Variants in PRKG1 observed in about 807,000 individuals in gnomAD.
PRKG1 encodes protein kinase cGMP-dependent 1.
In PRKG1, 35 loss-of-function variants were observed where a neutral mutation model predicts 88.1. That is an observed-to-expected ratio of 0.40 (90% confidence interval 0.30 to 0.53). The LOEUF is 0.53. PRKG1 is among the 20% of genes least tolerant of loss of function. PRKG1 has a pLI of 0.59. For missense variants in PRKG1, 540 were observed against 839.8 expected (o/e 0.64, Z 4.41); for synonymous variants, 303 against 292.5 (o/e 1.04, Z -0.37).
intron 2 of PRKG1, among the ~76,000 whole-genome samples, chr10:51,169,031 A>AT (rs1053850521): frequency 2.6e-5 from 4 of 152,208 alleles, no homozygotes; most frequent in Admixed American, 1.3e-4. Flanking sequence ...TTGAAATTTT[A>AT]TTTTTTTGTA....
chr10:51,391,014 A>G (rs1026154134), intron 2 of PRKG1, among the ~76,000 whole-genome samples: 4 of 152,194 alleles, frequency 2.6e-5, no homozygotes, highest in South Asian at 2.1e-4. Context: ...TTTGAGGTGG[A>G]TTATGGTGTT....
At chr10:52,109,946 C>G (rs1209067200) in intron 7 of PRKG1, among the ~76,000 whole-genome samples, 1 of 151,870 alleles carries the variant, frequency 6.6e-6, no homozygotes, top group Non-Finnish European at 1.5e-5. Context: ...TTCTCAATTC[C>G]CGAGCTGTGA....
chr10:51,180,823 A>G (rs1285812786), intron 2 of PRKG1, among the ~76,000 whole-genome samples: 1 of 152,118 alleles, frequency 6.6e-6, no homozygotes, highest in Non-Finnish European at 1.5e-5. Context: ...ATTTAAATGG[A>G]GAGATTGGGG....
rs34091409 is a variant in PRKG1, at chr10:51,531,637, CTTTTTTTT to C, written c.592+63820_592+63827del. 3.7e-4 allele frequency among the ~76,000 whole-genome samples: 25 copies of C among 67,854 alleles called. 1 individual carries two copies. The highest frequency in any genetic ancestry group is 3.0e-4 in the African/African-American group (5 of 16,662). 44.5% of individuals were successfully genotyped at this position (67,854 alleles called of 152,430 possible). ...ATTGTTTCGGACTACAAAAAGAATT[CTTTTTTTT>C]TTTTTTTTTTTTTTTTTTGAGACCG... On this transcript the variant is annotated intron_variant, in intron 3 of 17. Transcript: ENST00000373980.
At chr10:51,461,484 G>A (rs1412668880) in intron 2 of PRKG1, among the ~76,000 whole-genome samples, 1 of 152,082 alleles carries the variant, frequency 6.6e-6, no homozygotes, top group Non-Finnish European at 1.5e-5. Context: ...TAGCCAACTA[G>A]GAGTAAAACA....
chr10:51,109,469 G>A (rs537426341), intron 1 of PRKG1, among the ~76,000 whole-genome samples: 1 of 151,920 alleles, frequency 6.6e-6, no homozygotes, highest in African/African-American at 2.4e-5. Flanking sequence ...AAAGCGCAAA[G>A]GCAATTAAGT....
chr10:51,787,915 T>C (rs1838768623), intron 3 of PRKG1, among the ~76,000 whole-genome samples: 1 of 152,134 alleles, frequency 6.6e-6, no homozygotes, highest in South Asian at 2.1e-4. Context: ...ACATACTTAG[T>C]TACAACTGGA....
intron 3 of PRKG1, among the ~76,000 whole-genome samples, chr10:51,478,154 G>C (rs1280963750): frequency 6.6e-6 from 1 of 152,104 alleles, no homozygotes; most frequent in Non-Finnish European, 1.5e-5. Context: ...TGTGTACACA[G>C]ACCTGAGGAG....
rs1172402906 is a variant in PRKG1 at position 52,295,659 on chromosome 10, T to C, written c.*1759T>C. On this transcript the variant is annotated 3_prime_UTR_variant, in exon 18 of 18. Coordinates refer to ENST00000373980, the MANE Select transcript of PRKG1 (RefSeq NM_006258.4). ...CTTGCTTTTTTTTTCAGTAGAGTTT[T>C]CTTTTTAATCAATCAAACGCCTACA... is the stretch of plus-strand genomic sequence containing the variant. 2 of 152,004 alleles carry C rather than the reference T, an allele frequency of 1.3e-5. No individual in the cohort carries two copies. The highest frequency in any genetic ancestry group is 2.9e-5 in the Non-Finnish European group (2 of 67,914). 9.4% of individuals were successfully genotyped at this position (152,004 alleles called of 1,614,324 possible). A position where few individuals can be genotyped will look rare whatever the true frequency, so the allele number is the denominator to read the frequency against.
At chr10:52,286,921 A>G (rs1842129095) in intron 14 of PRKG1, among the ~76,000 whole-genome samples, 2 of 152,030 alleles carry the variant, frequency 1.3e-5, no homozygotes, top group South Asian at 2.1e-4. Context: ...ATAGAAGTCT[A>G]TGAAATTATG....
At chr10:52,157,725 A>C (rs1314064362) in intron 8 of PRKG1, among the ~76,000 whole-genome samples, 1 of 151,408 alleles carries the variant, frequency 6.6e-6, no homozygotes, top group East Asian at 1.9e-4. Context: ...TAAGAGTTAT[A>C]GTTTCTTCTC....
chr10:51,317,813 G>A (rs1841361228), intron 2 of PRKG1, among the ~76,000 whole-genome samples: 1 of 152,126 alleles, frequency 6.6e-6, no homozygotes, highest in East Asian at 1.9e-4. Context: ...GGATTATTTA[G>A]CCAGGTTATG....
At chr10:51,803,781 T>G (rs980612899) in intron 3 of PRKG1, among the ~76,000 whole-genome samples, 4 of 152,150 alleles carry the variant, frequency 2.6e-5, no homozygotes, top group African/African-American at 9.7e-5. Context: ...AAAACATATA[T>G]AAAAGTAAAG....
chr10:51,377,225 A>G (rs897225154), intron 2 of PRKG1, among the ~76,000 whole-genome samples: 2 of 152,194 alleles, frequency 1.3e-5, no homozygotes, highest in African/African-American at 2.4e-5. Context: ...GAATATTTGG[A>G]CAAACAACTA....
chr10:51,749,832 A>C (rs1473584572), intron 3 of PRKG1, among the ~76,000 whole-genome samples: 3 of 152,152 alleles, frequency 2.0e-5, no homozygotes, highest in African/African-American at 7.2e-5. Flanking sequence ...CCAGCATTTA[A>C]TAAGGTTTAT....
chr10:51,904,269 A>G (rs951657429), intron 4 of PRKG1, among the ~76,000 whole-genome samples: 3 of 152,034 alleles, frequency 2.0e-5, no homozygotes, highest in Non-Finnish European at 2.9e-5. Context: ...ATTCTTCTCT[A>G]ATGTTTAAAC....
At chr10:51,250,269 C>A (rs1348669152) in intron 2 of PRKG1, among the ~76,000 whole-genome samples, 1 of 151,810 alleles carries the variant, frequency 6.6e-6, no homozygotes, top group Non-Finnish European at 1.5e-5. Context: ...TTGAGAAATA[C>A]TAGGAAACAT....
At chr10:52,193,561 A>ACC (rs1359391286) in intron 9 of PRKG1, among the ~76,000 whole-genome samples, 679 of 30,148 alleles carry the variant, frequency 0.023, 26 homozygotes, top group South Asian at 0.064. Context: ...AAAAAAAAAA[A>ACC]ACAAAAAAAA....
intron 3 of PRKG1, among the ~76,000 whole-genome samples, chr10:51,770,015 G>C (rs1253308273): frequency 6.6e-6 from 1 of 152,168 alleles, no homozygotes; most frequent in Non-Finnish European, 1.5e-5. Flanking sequence ...TCTTCCCTAG[G>C]TTAATGTATG....
Sources: gnomAD v4.1 joint callset for allele counts (sites outside exome capture counted in the v4.1 genomes callset) on GRCh38, gnomAD v4.1.1 for gene constraint, MANE v1.5 for transcripts, NCBI Gene and HGNC (gene_info 2026-07-23, HGNC 2026-07-21) for gene names.